The following ZNF804A variants were observed in gnomAD, a reference collection of about 807,000 sequenced individuals.
ZNF804A encodes zinc finger protein 804A.
A neutral mutation model predicts 16.5 loss-of-function variants in ZNF804A; 2 were observed. That is an observed-to-expected ratio of 0.12 (90% CI 0.05 to 0.38). The LOEUF is 0.38. Among genes scored for constraint, ZNF804A ranks in the 10% least tolerant of loss-of-function variants. ZNF804A has a pLI of 0.99. For missense variants in ZNF804A, 1,473 were observed against 1,390.7 expected (o/e 1.06, Z -0.94); for synonymous variants, 534 against 489.6 (o/e 1.09, Z -1.20).
intron 2 of ZNF804A, among the ~76,000 whole-genome samples, chr2:184,895,867 A>G (rs1441678171): frequency 6.6e-6 from 1 of 152,174 alleles, no homozygotes; most frequent in Non-Finnish European, 1.5e-5. Flanking sequence ...TGTTTTTGCT[A>G]TGCATTTTAG....
chr2:184,844,297 TG>T (rs112350400), intron 1 of ZNF804A, among the ~76,000 whole-genome samples: 2 of 152,016 alleles, frequency 1.3e-5, no homozygotes, highest in African/African-American at 4.8e-5. Flanking sequence ...ATTAAGATTC[TG>T]AAAAAATAAA....
chr2:184,695,254 G>A (rs943917834), intron 1 of ZNF804A, among the ~76,000 whole-genome samples: 6 of 151,986 alleles, frequency 3.9e-5, no homozygotes, highest in African/African-American at 1.5e-4. Flanking sequence ...AAGGTCAGGA[G>A]ATCGAGACCA....
chr2:184,621,620 C>A (rs1432722429), intron 1 of ZNF804A, among the ~76,000 whole-genome samples: 1 of 151,526 alleles, frequency 6.6e-6, no homozygotes, highest in African/African-American at 2.4e-5. Flanking sequence ...ATACAATGTC[C>A]TTTTTTTATA....
chr2:184,743,895 G>A (rs1186592105), intron 1 of ZNF804A, among the ~76,000 whole-genome samples: 1 of 151,916 alleles, frequency 6.6e-6, no homozygotes, highest in East Asian at 1.9e-4. Context: ...AAAAGCCTAA[G>A]GTGAAGGGAT....
At chr2:184,664,313 A>C (rs1692223771) in intron 1 of ZNF804A, among the ~76,000 whole-genome samples, 1 of 152,210 alleles carries the variant, frequency 6.6e-6, no homozygotes, top group Admixed American at 6.5e-5. Context: ...ATTGAATTAG[A>C]TATTCATCAT....
chr2:184,703,676 C>A (rs1574170711), intron 1 of ZNF804A, among the ~76,000 whole-genome samples: 1 of 82,634 alleles, frequency 1.2e-5, no homozygotes, highest in Non-Finnish European at 2.1e-5. Flanking sequence ...GGCGACAGAG[C>A]AAGACTCCGG....
At position 184,936,417 on chromosome 2, in the gene ZNF804A, G is replaced by A; in HGVS notation, c.1021G>A (p.Val341Ile). Residue 341 changes from valine to isoleucine, a missense_variant, in exon 4 of 4, where the codon GTT becomes ATT. Physicochemically the swap from Val to Ile is conservative, Grantham distance 29. Transcript: ENST00000302277. ...LADQIPLESV[V>I]INEDIPVSGN... ...AGATCAAATACCACTAGAGAGTGTT[G>A]TTATTAATGAAGACATACCTGTTAG... 1.9e-6 allele frequency: 3 copies of A among 1,613,974 alleles called. No homozygotes were observed. The highest frequency in any genetic ancestry group is 2.5e-6 in the Non-Finnish European group (3 of 1,179,942).
chr2:184,762,877 A>G (rs1175013131), intron 1 of ZNF804A, among the ~76,000 whole-genome samples: 1 of 152,134 alleles, frequency 6.6e-6, no homozygotes, highest in African/African-American at 2.4e-5. Context: ...AATATAACAA[A>G]TAATTTAAGA....
intron 2 of ZNF804A, among the ~76,000 whole-genome samples, chr2:184,908,648 C>G (rs1685313810): frequency 6.6e-6 from 1 of 152,024 alleles, no homozygotes; most frequent in African/African-American, 2.4e-5. Flanking sequence ...AAATCCAGCT[C>G]TTCATCAAAG....
At chr2:184,889,182 T>C (rs1469923544) in intron 2 of ZNF804A, among the ~76,000 whole-genome samples, 5 of 151,972 alleles carry the variant, frequency 3.3e-5, no homozygotes, top group Non-Finnish European at 7.4e-5. Context: ...ACATTTCCCA[T>C]TGTTTGATTT....
chr2:184,786,681 T>C (rs970280958), intron 1 of ZNF804A, among the ~76,000 whole-genome samples: 4 of 151,988 alleles, frequency 2.6e-5, no homozygotes, highest in Non-Finnish European at 5.9e-5. Flanking sequence ...AGGAATGTCC[T>C]GAAGAGCAAT....
chr2:184,843,904 ATC>A (rs2105800988), intron 1 of ZNF804A, among the ~76,000 whole-genome samples: 2 of 152,188 alleles, frequency 1.3e-5, no homozygotes, highest in Admixed American at 1.3e-4. Context: ...TTGGAGTAAT[ATC>A]TACCATGTTT....
intron 1 of ZNF804A, among the ~76,000 whole-genome samples, chr2:184,789,492 T>C (rs1694499542): frequency 6.6e-6 from 1 of 152,122 alleles, no homozygotes; most frequent in Non-Finnish European, 1.5e-5. Flanking sequence ...TGTTAATTTT[T>C]AGGACTCATT....
intron 1 of ZNF804A, among the ~76,000 whole-genome samples, chr2:184,701,578 A>G (rs1435664594): frequency 6.6e-6 from 1 of 151,938 alleles, no homozygotes; most frequent in African/African-American, 2.4e-5. Context: ...CCTTAGGAAC[A>G]TTTTATCTAA....
chr2:184,759,594 A>G (rs1372849658), intron 1 of ZNF804A, among the ~76,000 whole-genome samples: 1 of 152,082 alleles, frequency 6.6e-6, no homozygotes, highest in Non-Finnish European at 1.5e-5. Context: ...TGCAATAAGG[A>G]TAGCAATTGA....
intron 1 of ZNF804A, among the ~76,000 whole-genome samples, chr2:184,619,856 A>T (rs1281803005): frequency 6.6e-6 from 1 of 151,938 alleles, no homozygotes; most frequent in Non-Finnish European, 1.5e-5. Flanking sequence ...AGTTAATTAT[A>T]TAATTCAAAC....
intron 1 of ZNF804A, among the ~76,000 whole-genome samples, chr2:184,815,741 T>C (rs1198224173): frequency 6.6e-6 from 1 of 151,964 alleles, no homozygotes. Context: ...AAAATGAATA[T>C]ACTAACCTTA....
chr2:184,780,000 C>T (rs767055043), intron 1 of ZNF804A, among the ~76,000 whole-genome samples: 2 of 151,706 alleles, frequency 1.3e-5, no homozygotes, highest in Non-Finnish European at 2.9e-5. Context: ...TATTAGATAC[C>T]ATGGTCCCAC....
intron 2 of ZNF804A, among the ~76,000 whole-genome samples, chr2:184,907,254 C>T (rs537974124): frequency 9.9e-5 from 15 of 151,912 alleles, no homozygotes; most frequent in Admixed American, 5.3e-4. Context: ...CTAGCACATT[C>T]TCTCACCATC....
Sources: allele counts gnomAD v4.1 joint callset (sites outside exome capture counted in the v4.1 genomes callset), GRCh38; gene constraint gnomAD v4.1.1; transcripts MANE v1.5; gene names NCBI Gene and HGNC (gene_info 2026-07-23, HGNC 2026-07-21).